Variants in FBXO33 observed in about 807,000 individuals in gnomAD.
FBXO33 encodes F-box protein 33.
Under a neutral mutation model 46.3 loss-of-function variants are expected in FBXO33, and 22 were observed. That is an observed-to-expected ratio of 0.48 (90% CI 0.34 to 0.68). The LOEUF is 0.68. Ranked by LOEUF, FBXO33 falls within the 30% of genes least tolerant of loss-of-function variation. The pLI, the probability that FBXO33 is intolerant of heterozygous loss-of-function variation, is 0.01. For missense variants in FBXO33, 692 were observed against 708.8 expected, an observed-to-expected ratio of 0.98 and a Z score of 0.27; for synonymous variants, 337 against 291.3, an observed-to-expected ratio of 1.16 and a Z score of -1.60.
chr14:39,399,648 G>T lies in FBXO33; in HGVS notation c.1536C>A (p.Asn512Lys), dbSNP rs764116189. The change falls in exon 4 of 4, where the codon AAC becomes AAA. Residue 512 changes from asparagine (N) to lysine (K), a missense_variant. Physicochemically the swap from Asn to Lys is moderately conservative, Grantham distance 94. This residue lies in a region of FBXO33 where 94 missense variants were observed against 91.9 expected (regional missense o/e 1.02). Coordinates refer to ENST00000298097, the MANE Select transcript of FBXO33 (RefSeq NM_203301.4). ...GGCCCAGGGATACCTGCTCAATAAG[G>T]TTATGCACTGGATCTACATCCTGGT... ...LADQDVDPVH[N>K]LIEQVSLGLG... is the part of the protein sequence containing the mutation. 6.2e-7 allele frequency: 1 copy of T among 1,614,010 alleles called. No homozygotes were observed. The highest frequency in any genetic ancestry group is 8.5e-7 in the Non-Finnish European group (1 of 1,179,988).
In FBXO33 at chr14:39,410,554, C is replaced by T. The variant is rs577782331; in HGVS notation, c.600-8043G>A. Among the ~76,000 whole-genome samples, 9 of 152,314 alleles carry T rather than the reference C, an allele frequency of 5.9e-5. No homozygotes were observed. The South Asian group carries it at 1.5e-3, about 25-fold the overall frequency. On this transcript the variant is annotated intron_variant, in intron 1 of 3. Coordinates refer to ENST00000298097, the MANE Select transcript of FBXO33 (RefSeq NM_203301.4). ...TAGTCACATAAAATGAGTTTAGAAG[C>T]GTTCCCTCTTCCTCAACTTTTTCGA...
Position 39,402,385 on chromosome 14 carries a change from T to TA in FBXO33, c.710+15dup. On this transcript the variant is annotated intron_variant, in intron 2 of 3. Coordinates refer to ENST00000298097, the MANE Select transcript of FBXO33 (RefSeq NM_203301.4). ...ATTAATAGTACAACCTCCTTTCCATTAACCATATAACTTACTGTTTAATTT... is the reference window on the plus strand; with the variant it reads ...ATTAATAGTACAACCTCCTTTCCATTAAACCATATAACTTACTGTTTAATTT... 7.2e-7 allele frequency: 1 copy of TA among 1,386,382 alleles called. No individual in the cohort carries two copies. Among genetic ancestry groups the TA allele is most frequent in the Non-Finnish European group, 9.9e-7 (1 of 1,008,576 alleles). 85.9% of individuals were successfully genotyped at this position (1,386,382 alleles called of 1,614,324 possible).
chr14:39,401,460 C>A lies in FBXO33; in HGVS notation c.1112G>T (p.Arg371Leu). 6.2e-7 allele frequency: 1 copy of A among 1,614,058 alleles called. No individual in the cohort carries two copies. Among genetic ancestry groups the A allele is most frequent in the African/African-American group, 1.3e-5 (1 of 75,018 alleles). The change falls in exon 3 of 4, where the codon CGG (arginine) becomes CTG (leucine). Residue 371 changes from arginine to leucine, a missense_variant. Coordinates refer to ENST00000298097, the MANE Select transcript of FBXO33 (RefSeq NM_203301.4). ...KALSRKSTSF[R>L]VYIMAFDIKS... ...GATATCAAAAGCCATTATATAGACCCGAAAGCTGGTGCTCTTTCGTGACAG... is the reference window on the plus strand; with the variant it reads ...GATATCAAAAGCCATTATATAGACCAGAAAGCTGGTGCTCTTTCGTGACAG...
rs1219603618 is a variant in FBXO33, at chr14:39,399,143, T to C, written c.*373A>G. ...AAATCTACCAGGCTATGGATATATA[T>C]CTATATATGTATAAAAATATTTTGG... is the stretch of plus-strand genomic sequence containing the variant. On this transcript the variant is annotated 3_prime_UTR_variant, in exon 4 of 4. Coordinates refer to ENST00000298097, the MANE Select transcript of FBXO33 (RefSeq NM_203301.4). The C allele has an allele frequency of 6.3e-6, 1 of 157,878 alleles. No homozygotes were observed. The highest frequency in any genetic ancestry group is 1.4e-5 in the Non-Finnish European group (1 of 71,664). The allele number at this position is 157,878 out of a possible 1,614,324, so 9.8% of individuals were successfully genotyped here.
At position 39,432,016 on chromosome 14, in the gene FBXO33, C is replaced by T. The variant is rs1567081578; in HGVS notation, c.147G>A (p.Pro49=). ...RGLLRVLRGR[P]GAGSRRRGRM... is the part of the protein sequence containing the mutation. The stretch of plus-strand genomic sequence containing the variant: ...GGCCCCGCCGCCGGCTGCCGGCTCC[C>T]GGCCGCCCCCGCAGTACCCGGAGCA... The change falls in exon 1 of 4, where the codon CCG becomes CCA. Residue 49 remains proline, a synonymous_variant. Coordinates refer to ENST00000298097, the MANE Select transcript of FBXO33 (RefSeq NM_203301.4). 1.4e-6 allele frequency: 2 copies of T among 1,409,106 alleles called. No homozygotes were observed. The highest frequency in any genetic ancestry group is 3.5e-5 in the Admixed American group (1 of 28,198). The allele number at this position is 1,409,106 out of a possible 1,614,324, so 87.3% of individuals were successfully genotyped here.
chr14:39,424,454 G>T (rs192408529), intron 1 of FBXO33, among the ~76,000 whole-genome samples: 2 of 152,240 alleles, frequency 1.3e-5, no homozygotes, highest in African/African-American at 4.8e-5. Flanking sequence ...CACAGGGTCT[G>T]GCATTCAAAA....
chr14:39,431,554 G>A lies in FBXO33; in HGVS notation c.599+10C>T, dbSNP rs1449711544. The A allele has an allele frequency of 1.7e-5, 28 of 1,610,010 alleles. No homozygotes were observed. Among genetic ancestry groups the A allele is most frequent in the Non-Finnish European group, 2.2e-5 (26 of 1,180,002 alleles). ...GTTACCGGGCGGGGCGGGGCTCAGG[G>A]CAAGCCTACCTGTTGTTCCGGATGC... is the stretch of plus-strand genomic sequence containing the variant. On this transcript the variant is annotated intron_variant, in intron 1 of 3. Coordinates refer to ENST00000298097, the MANE Select transcript of FBXO33 (RefSeq NM_203301.4).
rs192522129 is a variant in FBXO33 at position 39,400,940 on chromosome 14, G to A, written c.1396+236C>T. ...TTTCACTGATTTTTTATGAAATACT[G>A]CCATTCACATGATGGACAAAAAAGT... On this transcript the variant is annotated intron_variant, in intron 3 of 3. Transcript: ENST00000298097. 3.2e-4 allele frequency among the ~76,000 whole-genome samples: 49 copies of A among 152,254 alleles called. No individual in the cohort carries two copies. The East Asian group carries it at 8.9e-3, about 28-fold the overall frequency.
At chr14:39,403,757 A>T (rs2075379636) in intron 1 of FBXO33, among the ~76,000 whole-genome samples, 1 of 152,116 alleles carries the variant, frequency 6.6e-6, no homozygotes, top group Non-Finnish European at 1.5e-5. Flanking sequence ...AAAATGTATC[A>T]TCTACAACAG....
chr14:39,418,264 C>T (rs1168159956), intron 1 of FBXO33, among the ~76,000 whole-genome samples: 2 of 150,852 alleles, frequency 1.3e-5, no homozygotes, highest in Non-Finnish European at 3.0e-5. Context: ...GGGGTTTCAA[C>T]GTGTTAGCCA....
At position 39,432,110 on chromosome 14, in the gene FBXO33, C is replaced by G. The variant is rs752950570; in HGVS notation, c.53G>C (p.Arg18Pro). 7.0e-5 allele frequency: 87 copies of G among 1,243,898 alleles called. No individual in the cohort carries two copies. The highest frequency in any genetic ancestry group is 8.4e-5 in the Non-Finnish European group (84 of 997,392). The allele number at this position is 1,243,898 out of a possible 1,614,324, so 77.1% of individuals were successfully genotyped here. Residue 18 changes from arginine (R) to proline (P), a missense_variant, in exon 1 of 4, where the codon CGA (arginine) becomes CCA (proline). Arg to Pro is a moderately radical substitution (Grantham distance 103, BLOSUM62 -2). Around this residue, in one of 3 missense-constraint regions of FBXO33, gnomAD observed 412 missense variants for 370.8 expected, o/e 1.11. Transcript: ENST00000298097. The stretch of plus-strand genomic sequence containing the variant: ...CCGCGCCACCCGGGCGGCCCCGGCT[C>G]GGGTTCGAGCTCCCGGCGGTCGGGG... ...PQPRPPGART[R>P]AGAARVARWR...
chr14:39,432,072 G>A lies in FBXO33; in HGVS notation c.91C>T (p.Arg31Trp), dbSNP rs1277358758. The A allele has an allele frequency of 3.2e-6, 4 of 1,243,044 alleles. No individual in the cohort carries two copies. Among genetic ancestry groups the A allele is most frequent in the Non-Finnish European group, 4.0e-6 (4 of 995,900 alleles). 77.0% of individuals were successfully genotyped at this position (1,243,044 alleles called of 1,614,324 possible). ...CGCAGCCGTCGCAGCTGCTGCAGCC[G>A]CAGCCGCCGCCACCGCGCCACCCGG... ...AARVARWRRL[R>W]LQQLRRLRGL... The change falls in exon 1 of 4, where the codon CGG becomes TGG. Residue 31 changes from arginine (R) to tryptophan (W), a missense_variant. Around this residue, in one of 3 missense-constraint regions of FBXO33, gnomAD observed 412 missense variants for 370.8 expected, o/e 1.11. Coordinates refer to ENST00000298097, the MANE Select transcript of FBXO33 (RefSeq NM_203301.4).
chr14:39,431,718 G>A lies in FBXO33; in HGVS notation c.445C>T (p.Leu149=), dbSNP rs763433227. 4.3e-6 allele frequency: 7 copies of A among 1,613,350 alleles called. No homozygotes were observed. Among genetic ancestry groups the A allele is most frequent in the East Asian group, 2.2e-5 (1 of 44,874 alleles). ...LRVEFAAENY[L]SGGGPGDGGG... is the part of the protein sequence containing the mutation. ...CCGTCCCCTGGGCCACCGCCGCTCA[G>A]ATAGTTCTCGGCGGCGAATTCAACA... Residue 149 remains leucine (L), a synonymous_variant, in exon 1 of 4, where the codon CTG becomes TTG. Transcript: ENST00000298097.
In FBXO33 at chr14:39,432,287, C is replaced by G; in HGVS notation, c.-125G>C. ...TGCCGGGAGCCAGCCTCTGTCTTCTCAAACTCTACTCACGTGCGTCCGAGG... is the reference window on the plus strand; with the variant it reads ...TGCCGGGAGCCAGCCTCTGTCTTCTGAAACTCTACTCACGTGCGTCCGAGG... On this transcript the variant is annotated 5_prime_UTR_variant, in exon 1 of 4. Transcript: ENST00000298097. The G allele has an allele frequency of 1.3e-6, 1 of 791,528 alleles. No homozygotes were observed. The highest frequency in any genetic ancestry group is 1.7e-6 in the Non-Finnish European group (1 of 603,926). 49.0% of individuals were successfully genotyped at this position (791,528 alleles called of 1,614,324 possible).
chr14:39,418,790 C>CAA (rs71130850), intron 1 of FBXO33, among the ~76,000 whole-genome samples: 8 of 136,966 alleles, frequency 5.8e-5, no homozygotes, highest in African/African-American at 2.2e-4. Flanking sequence ...AAAAAAAAAA[C>CAA]AAAAAAAAAA....
Position 39,432,266 on chromosome 14 carries a change from G to T in FBXO33, c.-104C>A. 1 of 987,444 alleles carries T rather than the reference G, an allele frequency of 1.0e-6. No homozygotes were observed. The highest frequency in any genetic ancestry group is 1.3e-6 in the Non-Finnish European group (1 of 784,744). The allele number at this position is 987,444 out of a possible 1,614,324, so 61.2% of individuals were successfully genotyped here. A position where few individuals can be genotyped will look rare whatever the true frequency, so the allele number is the denominator to read the frequency against. ...AAGGCCTCTGCGGGCGTGGCCTGCC[G>T]GGAGCCAGCCTCTGTCTTCTCAAAC... On this transcript the variant is annotated 5_prime_UTR_variant, in exon 1 of 4. Coordinates refer to ENST00000298097, the MANE Select transcript of FBXO33 (RefSeq NM_203301.4).
At chr14:39,420,677 C>A (rs185228159) in intron 1 of FBXO33, among the ~76,000 whole-genome samples, 2 of 151,484 alleles carry the variant, frequency 1.3e-5, no homozygotes, top group Admixed American at 6.6e-5. Context: ...GGGGACAGAG[C>A]GAAACTCTGT....
At chr14:39,413,809 C>T (rs552805395) in intron 1 of FBXO33, among the ~76,000 whole-genome samples, 54 of 152,292 alleles carry the variant, frequency 3.5e-4, no homozygotes, top group Non-Finnish European at 6.0e-4. Context: ...TAAGCAGTAG[C>T]TCTCCAAAGT....
At position 39,398,745 on chromosome 14, in the gene FBXO33, T is replaced by G. The variant is rs1450093971; in HGVS notation, c.*771A>C. Reference sequence around the variant, plus strand: ...AAGCATGTGTATTTACAACTCTGTGTTTTTATTTCCTTTAGGAGATTTTAC... The same window carrying G: ...AAGCATGTGTATTTACAACTCTGTGGTTTTATTTCCTTTAGGAGATTTTAC... On this transcript the variant is annotated 3_prime_UTR_variant, in exon 4 of 4. Transcript: ENST00000298097. The G allele has an allele frequency of 6.5e-6, 1 of 152,672 alleles. No individual in the cohort carries two copies. The highest frequency in any genetic ancestry group is 6.5e-5 in the Admixed American group (1 of 15,288). The allele number at this position is 152,672 out of a possible 1,614,324, so 9.5% of individuals were successfully genotyped here.
Sources: gnomAD v4.1 joint callset for allele counts (sites outside exome capture counted in the v4.1 genomes callset) on GRCh38, gnomAD v4.1.1 for gene constraint, gnomAD v4.1.1 regional missense constraint, MANE v1.5 for transcripts, NCBI Gene and HGNC (gene_info 2026-07-23, HGNC 2026-07-21) for gene names.